Variants in ENTREP2 observed in about 807,000 individuals in gnomAD.
ENTREP2 encodes protein ENTREP2.
At chr15:29,442,863 C>T in the ENTREP2 span, among the ~76,000 whole-genome samples, 1 of 152,216 alleles carries the variant, frequency 6.6e-6, no homozygotes, top group East Asian at 1.9e-4. Context: ...ATTAAAACCA[C>T]ACACTTGATC....
At chr15:29,284,569 A>AC in the ENTREP2 span, among the ~76,000 whole-genome samples, 478 of 151,768 alleles carry the variant, frequency 3.1e-3, 7 homozygotes, top group African/African-American at 0.011. Context: ...AAAAAAAAAA[A>AC]AAAACCAAAA....
the ENTREP2 span, among the ~76,000 whole-genome samples, chr15:29,606,891 T>A: frequency 1.3e-5 from 2 of 152,206 alleles, no homozygotes; most frequent in East Asian, 3.9e-4. Context: ...GTGAGTACAG[T>A]GGTACAACCT....
At chr15:29,440,840 T>C in the ENTREP2 span, among the ~76,000 whole-genome samples, 9 of 152,128 alleles carry the variant, frequency 5.9e-5, no homozygotes, top group African/African-American at 2.2e-4. Flanking sequence ...CTCCACTCTG[T>C]CTCTACTCAG....
the ENTREP2 span, among the ~76,000 whole-genome samples, chr15:29,469,216 T>G: frequency 1.4e-4 from 21 of 152,336 alleles, no homozygotes; most frequent in East Asian, 4.0e-3. Flanking sequence ...GTTTGTTTGT[T>G]TGAGACAGAG....
chr15:29,626,885 T>C, the ENTREP2 span, among the ~76,000 whole-genome samples: 1 of 152,072 alleles, frequency 6.6e-6, no homozygotes, highest in Non-Finnish European at 1.5e-5. Flanking sequence ...ATAAAACAAA[T>C]ACAATAAAAA....
chr15:29,442,725 C>T, the ENTREP2 span, among the ~76,000 whole-genome samples: 1 of 152,192 alleles, frequency 6.6e-6, no homozygotes, highest in Admixed American at 6.5e-5. Flanking sequence ...TGCCCCCCGA[C>T]CTGGAAAGTC....
the ENTREP2 span, among the ~76,000 whole-genome samples, chr15:29,366,550 G>A: frequency 1.3e-5 from 2 of 152,108 alleles, no homozygotes; most frequent in African/African-American, 4.8e-5. Flanking sequence ...AACATTCCAT[G>A]TCCCCAGAGT....
the ENTREP2 span, among the ~76,000 whole-genome samples, chr15:29,582,869 C>T: frequency 1.5e-3 from 235 of 152,110 alleles, no homozygotes; most frequent in African/African-American, 5.4e-3. Context: ...TCAGGCTGGT[C>T]TCGAACTCCT....
At chr15:29,387,932 CT>C in the ENTREP2 span, among the ~76,000 whole-genome samples, 1 of 152,188 alleles carries the variant, frequency 6.6e-6, no homozygotes, top group Non-Finnish European at 1.5e-5. Flanking sequence ...AAAGCTGAAA[CT>C]GGATCCCTTC....
At chr15:29,195,014 G>A in the ENTREP2 span, 1 of 647,928 alleles carries the variant, frequency 1.5e-6, no homozygotes, top group East Asian at 1.4e-4. Context: ...CAGGAGGGCT[G>A]TGAAAGGCCA....
chr15:29,237,341 AT>A, the ENTREP2 span, among the ~76,000 whole-genome samples: 1 of 151,790 alleles, frequency 6.6e-6, no homozygotes, highest in African/African-American at 2.4e-5. Flanking sequence ...CTGGTTTTTA[AT>A]TTTTCTTAAC....
chr15:29,558,854 C>A, the ENTREP2 span, among the ~76,000 whole-genome samples: 1 of 150,452 alleles, frequency 6.6e-6, no homozygotes, highest in African/African-American at 2.5e-5. Flanking sequence ...TTTTCTCTTC[C>A]CTATGATTTT....
chr15:29,540,450 A>G, the ENTREP2 span, among the ~76,000 whole-genome samples: 1 of 152,226 alleles, frequency 6.6e-6, no homozygotes, highest in African/African-American at 2.4e-5. Flanking sequence ...ACAACACACA[A>G]ACCTGACAAC....
the ENTREP2 span, among the ~76,000 whole-genome samples, chr15:29,223,750 G>A: frequency 3.3e-5 from 5 of 152,118 alleles, no homozygotes; most frequent in Admixed American, 6.5e-5. Context: ...AGAGAGGCTG[G>A]TTCTGGAGCC....
the ENTREP2 span, among the ~76,000 whole-genome samples, chr15:29,392,592 G>A: frequency 6.6e-6 from 1 of 152,142 alleles, no homozygotes; most frequent in African/African-American, 2.4e-5. Context: ...AGACTTTTGA[G>A]ATCATCTCCT....
chr15:29,245,624 ATATAATATG>A, the ENTREP2 span, among the ~76,000 whole-genome samples: 2 of 150,906 alleles, frequency 1.3e-5, no homozygotes, highest in Admixed American at 6.6e-5. Flanking sequence ...TATATAATAT[ATATAATATG>A]TAAATTATAA....
the ENTREP2 span, among the ~76,000 whole-genome samples, chr15:29,433,366 C>T: frequency 8.5e-4 from 129 of 152,310 alleles, 5 homozygotes; most frequent in South Asian, 0.025. Flanking sequence ...TGCTCCTTTC[C>T]TTTTTGAACT....
chr15:29,288,517 A>G, the ENTREP2 span, among the ~76,000 whole-genome samples: 1 of 152,144 alleles, frequency 6.6e-6, no homozygotes, highest in Admixed American at 6.5e-5. Context: ...ATCTTCCCTC[A>G]TAACTCTATA....
chr15:29,231,825 A>G, the ENTREP2 span, among the ~76,000 whole-genome samples: 2 of 151,926 alleles, frequency 1.3e-5, no homozygotes, highest in Non-Finnish European at 2.9e-5. Flanking sequence ...TCTCAGGTCC[A>G]TAAAGAGTAA....
Sources: allele counts gnomAD v4.1 joint callset (sites outside exome capture counted in the v4.1 genomes callset), GRCh38; gene constraint gnomAD v4.1.1; transcripts MANE v1.5; gene names NCBI Gene and HGNC (gene_info 2026-07-23, HGNC 2026-07-21).